The following GABRB1 variants were observed in gnomAD, a reference collection of about 807,000 sequenced individuals.
GABRB1 encodes gamma-aminobutyric acid type A receptor subunit beta1.
GABRB1 carries 17 observed loss-of-function variants against 51.6 expected under a neutral mutation model. That is an observed-to-expected ratio of 0.33 (90% confidence interval 0.23 to 0.49). GABRB1 has a LOEUF of 0.49. Among genes scored for constraint, GABRB1 ranks in the 20% least tolerant of loss-of-function variants. The pLI, the probability that GABRB1 is intolerant of heterozygous loss-of-function variation, is 0.99. For synonymous variants in GABRB1, 247 were observed against 218.9 expected (o/e 1.13, Z -1.14); for missense variants, 410 against 600.6 (o/e 0.68, Z 3.32).
At chr4:47,112,753 T>TA (rs11383226) in intron 3 of GABRB1, among the ~76,000 whole-genome samples, 43,160 of 147,750 alleles carry the variant, frequency 0.29, 7,500 homozygotes, top group Middle Eastern at 0.47. Context: ...CACAGTGAAA[T>TA]AAAAAAAAAA....
intron 1 of GABRB1, among the ~76,000 whole-genome samples, chr4:47,019,003 T>A (rs552679503): frequency 2.0e-5 from 3 of 152,332 alleles, no homozygotes; most frequent in Non-Finnish European, 4.4e-5. Context: ...TTTTAAGAAA[T>A]GTATTTTCTC....
intron 3 of GABRB1, among the ~76,000 whole-genome samples, chr4:47,093,748 A>G (rs36002778): frequency 0.25 from 38,324 of 152,186 alleles, 6,048 homozygotes; most frequent in Middle Eastern, 0.42. Flanking sequence ...TTAAGAGTTG[A>G]TAAGGCACCT....
intron 4 of GABRB1, among the ~76,000 whole-genome samples, chr4:47,270,302 T>C (rs753047165): frequency 2.0e-5 from 3 of 152,178 alleles, no homozygotes; most frequent in Non-Finnish European, 4.4e-5. Flanking sequence ...AATTCCTGCC[T>C]ATTAGTAAGT....
intron 4 of GABRB1, among the ~76,000 whole-genome samples, chr4:47,224,676 T>C (rs1413434713): frequency 1.3e-5 from 2 of 152,042 alleles, no homozygotes; most frequent in African/African-American, 2.4e-5. Flanking sequence ...AGGACAGACA[T>C]GGAAGGCCAA....
chr4:47,177,256 A>T (rs1046713692), intron 4 of GABRB1, among the ~76,000 whole-genome samples: 2 of 152,142 alleles, frequency 1.3e-5, no homozygotes, highest in Admixed American at 1.3e-4. Flanking sequence ...ATCAGATGGA[A>T]TATAGTTGCT....
chr4:47,162,857 T>G (rs1718021191), intron 4 of GABRB1, among the ~76,000 whole-genome samples: 1 of 152,036 alleles, frequency 6.6e-6, no homozygotes, highest in Non-Finnish European at 1.5e-5. Flanking sequence ...CAATGACCTT[T>G]CCAAAGAGAA....
intron 4 of GABRB1, among the ~76,000 whole-genome samples, chr4:47,260,952 A>G (rs1722408792): frequency 6.6e-6 from 1 of 152,240 alleles, no homozygotes; most frequent in African/African-American, 2.4e-5. Context: ...CAAAAACCAC[A>G]TGATTATCTC....
intron 4 of GABRB1, among the ~76,000 whole-genome samples, chr4:47,171,452 T>G (rs1187317775): frequency 6.6e-6 from 1 of 152,148 alleles, no homozygotes; most frequent in Non-Finnish European, 1.5e-5. Context: ...ATTTTTCAAG[T>G]AGTCTTCTGC....
At chr4:47,117,490 A>C (rs1012242606) in intron 3 of GABRB1, among the ~76,000 whole-genome samples, 2 of 152,070 alleles carry the variant, frequency 1.3e-5, no homozygotes, top group Non-Finnish European at 1.5e-5. Flanking sequence ...CAATATCAAT[A>C]TCTCTTCATG....
intron 3 of GABRB1, among the ~76,000 whole-genome samples, chr4:47,045,896 T>C (rs1313906466): frequency 6.6e-6 from 1 of 152,104 alleles, no homozygotes; most frequent in Non-Finnish European, 1.5e-5. Flanking sequence ...GGCACTGTTA[T>C]GAGAGCTTAA....
At chr4:47,114,505 A>G (rs79641789) in intron 3 of GABRB1, among the ~76,000 whole-genome samples, 2,651 of 152,252 alleles carry the variant, frequency 0.017, 88 homozygotes, top group African/African-American at 0.061. Context: ...GGCATGCAAT[A>G]TTAGGTATGT....
intron 4 of GABRB1, among the ~76,000 whole-genome samples, chr4:47,164,079 C>G (rs1229884242): frequency 6.6e-6 from 1 of 151,918 alleles, no homozygotes; most frequent in South Asian, 2.1e-4. Context: ...AAAAACAGGT[C>G]TCATGAGAAT....
At chr4:47,407,951 G>A (rs1560373131) in intron 8 of GABRB1, among the ~76,000 whole-genome samples, 1 of 152,258 alleles carries the variant, frequency 6.6e-6, no homozygotes, top group East Asian at 1.9e-4. Flanking sequence ...AATTAGCCGG[G>A]CATTGTGGTG....
intron 4 of GABRB1, among the ~76,000 whole-genome samples, chr4:47,283,789 G>A (rs1158071262): frequency 1.3e-5 from 2 of 152,066 alleles, no homozygotes; most frequent in Non-Finnish European, 2.9e-5. Context: ...TGAAACAAAT[G>A]TAGAATTGGG....
chr4:47,263,353 C>G (rs1469170957), intron 4 of GABRB1, among the ~76,000 whole-genome samples: 1 of 151,914 alleles, frequency 6.6e-6, no homozygotes, highest in Non-Finnish European at 1.5e-5. Flanking sequence ...CATCGGATAG[C>G]CACCTTTTCT....
intron 8 of GABRB1, among the ~76,000 whole-genome samples, chr4:47,408,999 C>T (rs80010495): frequency 1.7e-3 from 262 of 152,288 alleles, no homozygotes; most frequent in Non-Finnish European, 3.1e-3. Flanking sequence ...AAACAATGTT[C>T]TCTAGGGAGA....
At chr4:47,390,755 A>G (rs1727960330) in intron 5 of GABRB1, among the ~76,000 whole-genome samples, 1 of 152,218 alleles carries the variant, frequency 6.6e-6, no homozygotes, top group Non-Finnish European at 1.5e-5. Context: ...GAGTAAATTG[A>G]TGTTCTCACT....
intron 3 of GABRB1, among the ~76,000 whole-genome samples, chr4:47,073,113 T>C (rs1367807067): frequency 6.6e-6 from 1 of 152,176 alleles, no homozygotes; most frequent in Non-Finnish European, 1.5e-5. Context: ...TTGATGGCAA[T>C]AGCTGTTTTC....
At chr4:47,033,246 G>A (rs538654061) in intron 3 of GABRB1, among the ~76,000 whole-genome samples, 3 of 152,302 alleles carry the variant, frequency 2.0e-5, no homozygotes, top group African/African-American at 7.2e-5. Flanking sequence ...CAGTAACACA[G>A]CACAGTCCTT....
Sources: gnomAD v4.1 joint callset for allele counts (sites outside exome capture counted in the v4.1 genomes callset) on GRCh38, gnomAD v4.1.1 for gene constraint, MANE v1.5 for transcripts, NCBI Gene and HGNC (gene_info 2026-07-23, HGNC 2026-07-21) for gene names.